The following TOGARAM1 variants were observed in gnomAD, a reference collection of about 807,000 sequenced individuals.
TOGARAM1 encodes TOG array regulator of axonemal microtubules 1.
Under a neutral mutation model 166.6 loss-of-function variants are expected in TOGARAM1, and 100 were observed. The ratio of observed to expected loss-of-function variants is 0.60; its 90% CI spans 0.51 to 0.71. TOGARAM1 has a LOEUF of 0.71. Among genes scored for constraint, TOGARAM1 ranks in the 30% least tolerant of loss-of-function variants. The pLI is 0.00. For missense variants in TOGARAM1, 2,029 were observed against 2,102.7 expected (o/e 0.96, Z 0.69); for synonymous variants, 758 against 763.8 (o/e 0.99, Z 0.13).
At chr14:45,042,970 T>C (rs752608882) in intron 11 of TOGARAM1, among the ~76,000 whole-genome samples, 8 of 152,232 alleles carry the variant, frequency 5.3e-5, no homozygotes, top group Non-Finnish European at 1.0e-4. Context: ...TCATGCATGC[T>C]AACATAACTT....
chr14:45,018,483 A>G (rs1190543532), intron 7 of TOGARAM1, among the ~76,000 whole-genome samples: 1 of 152,128 alleles, frequency 6.6e-6, no homozygotes, highest in East Asian at 1.9e-4. Flanking sequence ...GCCTCAAGTG[A>G]TCTACCTGCC....
Position 45,040,618 on chromosome 14 carries a change from C to T in TOGARAM1, c.3813-3068C>T, listed in dbSNP as rs909936702. ...TGAGAGAAGAAACATCACTACTGAT[C>T]ATACAGCTGTTAAACAGATAATATA... On this transcript the variant is annotated intron_variant, in intron 11 of 19. Coordinates refer to ENST00000361462, the MANE Select transcript of TOGARAM1 (RefSeq NM_001308120.2). Among the ~76,000 whole-genome samples, 3 of 152,182 alleles carry T rather than the reference C, an allele frequency of 2.0e-5. No individual in the cohort carries two copies. In the East Asian group the frequency reaches 5.8e-4, roughly 29 times the overall value.
intron 1 of TOGARAM1, among the ~76,000 whole-genome samples, chr14:44,991,900 G>C (rs1887154363): frequency 6.6e-6 from 1 of 150,632 alleles, no homozygotes; most frequent in African/African-American, 2.4e-5. Flanking sequence ...TGATAACTTT[G>C]GTATTTTTTA....
At chr14:45,054,389 G>T in intron 15 of TOGARAM1, 42 bp from the exon 16 acceptor site, 2 of 1,262,638 alleles carry the variant, frequency 1.6e-6, no homozygotes, top group Non-Finnish European at 2.2e-6. Flanking sequence ...TTCACTACTA[G>T]TTTTAAAATT....
intron 3 of TOGARAM1, 112 bp downstream of exon 3, chr14:44,999,609 G>T (rs896069904): frequency 1.2e-5 from 10 of 841,144 alleles, no homozygotes; most frequent in Admixed American, 7.3e-5. Context: ...AAAAATAAAA[G>T]GATTTTGTTA....
At chr14:44,972,989 A>G (rs1436510221) in intron 1 of TOGARAM1, among the ~76,000 whole-genome samples, 1 of 152,130 alleles carries the variant, frequency 6.6e-6, no homozygotes, top group Non-Finnish European at 1.5e-5. Flanking sequence ...CAGTAACATT[A>G]AGTGAGAACT....
At chr14:45,062,153 T>C (rs1206877560) in intron 16 of TOGARAM1, among the ~76,000 whole-genome samples, 1 of 152,164 alleles carries the variant, frequency 6.6e-6, no homozygotes, top group East Asian at 1.9e-4. Context: ...AGTCGGTTGT[T>C]ATTCAAGTGT....
rs1026599187 is a variant in TOGARAM1, at chr14:45,073,285, T to G, written c.5057-11T>G. ...AGAAAAAACCCTGTTTTTTATATTTTTATGTTTCAGATATTGTTACGGAAC... is the reference window on the plus strand; with the variant it reads ...AGAAAAAACCCTGTTTTTTATATTTGTATGTTTCAGATATTGTTACGGAAC... On this transcript the variant is annotated splice_polypyrimidine_tract_variant and intron_variant, in intron 19 of 19. Transcript: ENST00000361462. 3 of 1,598,686 alleles carry G rather than the reference T, an allele frequency of 1.9e-6. No homozygotes were observed.
At chr14:45,033,683 T>G (rs2138923768) in intron 11 of TOGARAM1, among the ~76,000 whole-genome samples, 1 of 152,342 alleles carries the variant, frequency 6.6e-6, no homozygotes, top group East Asian at 1.9e-4. Flanking sequence ...TTTTGAGCTC[T>G]AGACTCAAAA....
chr14:45,065,406 A>T (rs1433313381), intron 16 of TOGARAM1, among the ~76,000 whole-genome samples: 2 of 152,208 alleles, frequency 1.3e-5, no homozygotes, highest in African/African-American at 4.8e-5. Context: ...ACAAAAAAAC[A>T]AAAGAAAAAA....
intron 16 of TOGARAM1, among the ~76,000 whole-genome samples, chr14:45,054,764 G>T (rs1882550061): frequency 1.3e-5 from 2 of 152,142 alleles, no homozygotes; most frequent in East Asian, 3.8e-4. Context: ...CATTAGCAAT[G>T]CTTTAGTGTT....
chr14:45,028,537 C>A (rs1442973292), intron 10 of TOGARAM1, among the ~76,000 whole-genome samples: 1 of 152,010 alleles, frequency 6.6e-6, no homozygotes, highest in African/African-American at 2.4e-5. Context: ...TCTCAAAGGT[C>A]CAGATTATCT....
chr14:45,018,802 C>G (rs1386425505), intron 7 of TOGARAM1, among the ~76,000 whole-genome samples: 2 of 152,024 alleles, frequency 1.3e-5, no homozygotes, highest in East Asian at 1.9e-4. Context: ...TAAAGAAAAT[C>G]AAGGACAAAA....
intron 1 of TOGARAM1, among the ~76,000 whole-genome samples, chr14:44,976,232 C>G (rs1248859040): frequency 6.6e-6 from 1 of 152,154 alleles, no homozygotes; most frequent in Non-Finnish European, 1.5e-5. Flanking sequence ...CAAAAATTGC[C>G]CTATCCTTAT....
rs933483968 is a variant in TOGARAM1, at chr14:45,009,070, A to C, written c.3062A>C (p.Tyr1021Ser). ...SLSSSPNINSYSESGVYSQES... is the reference protein window; with the variant it reads ...SLSSSPNINSSSESGVYSQES... ...TCTTCCTCACCAAACATCAATTCTTACAGTGAAAGTGGAGTTTACAGCCAA... is the reference window on the plus strand; with the variant it reads ...TCTTCCTCACCAAACATCAATTCTTCCAGTGAAAGTGGAGTTTACAGCCAA... Residue 1021 changes from tyrosine (Y) to serine (S), a missense_variant, in exon 6 of 20, where the codon TAC becomes TCC. Coordinates refer to ENST00000361462, the MANE Select transcript of TOGARAM1 (RefSeq NM_001308120.2). The C allele has an allele frequency of 6.2e-7, 1 of 1,613,948 alleles. No homozygotes were observed. Among genetic ancestry groups the C allele is most frequent in the Non-Finnish European group, 8.5e-7 (1 of 1,179,972 alleles).
chr14:44,962,477 C>A lies in TOGARAM1; in HGVS notation c.56C>A (p.Thr19Asn), dbSNP rs773208960. The change falls in exon 1 of 20, where the codon ACC becomes AAC. Residue 19 changes from threonine (T) to asparagine (N), a missense_variant. Coordinates refer to ENST00000361462, the MANE Select transcript of TOGARAM1 (RefSeq NM_001308120.2). ...LLLPPFPVLS[T>N]YRLQSRSRPS... The stretch of plus-strand genomic sequence containing the variant: ...CTGCCGCCCTTTCCAGTCCTCTCTA[C>A]CTATCGGCTCCAGAGCCGCAGTCGT... The A allele has an allele frequency of 1.9e-5, 31 of 1,607,232 alleles. No individual in the cohort carries two copies. In the South Asian group the frequency reaches 3.2e-4, roughly 17 times the overall value.
chr14:45,026,510 T>C (rs1880848914), intron 8 of TOGARAM1, among the ~76,000 whole-genome samples: 1 of 152,210 alleles, frequency 6.6e-6, no homozygotes, highest in Non-Finnish European at 1.5e-5. Flanking sequence ...CTTACTCTTG[T>C]AAACTTATTT....
rs952653368 is a variant in TOGARAM1, at chr14:44,988,063, C to T, written c.2047-7683C>T. On this transcript the variant is annotated intron_variant, in intron 1 of 19. Transcript: ENST00000361462. The stretch of plus-strand genomic sequence containing the variant: ...AGGCAGCAATTGAACAATGAGAACA[C>T]TTGGACACAGGAAGGGGGACATCAC... Among the ~76,000 whole-genome samples the T allele has an allele frequency of 3.5e-4, 49 of 141,096 alleles. 1 individual carries two copies. The highest frequency in any genetic ancestry group is 1.3e-3 in the African/African-American group (49 of 37,618). 92.6% of individuals were successfully genotyped at this position (141,096 alleles called of 152,430 possible).
chr14:45,066,761 T>G lies in TOGARAM1; in HGVS notation c.4743T>G (p.Ile1581Met). 6.2e-7 allele frequency: 1 copy of G among 1,611,850 alleles called. No homozygotes were observed. The highest frequency in any genetic ancestry group is 1.7e-4 in the Middle Eastern group (1 of 5,866). Reference sequence around the variant, plus strand: ...ATCAAGACCTTGTTGTTGGAAACATTGTGAAGGTAAGGACTTGTCAGAATT... The same window carrying G: ...ATCAAGACCTTGTTGTTGGAAACATGGTGAAGGTAAGGACTTGTCAGAATT... ...ENNQDLVVGN[I>M]VKIFDAFKSR... Residue 1581 changes from isoleucine to methionine, a missense_variant, in exon 17 of 20, where the codon ATT becomes ATG. Transcript: ENST00000361462.
Sources: gnomAD v4.1 joint callset for allele counts (sites outside exome capture counted in the v4.1 genomes callset) on GRCh38, gnomAD v4.1.1 for gene constraint, MANE v1.5 for transcripts, NCBI Gene and HGNC (gene_info 2026-07-23, HGNC 2026-07-21) for gene names.